Variants in PKNOX2 observed in about 807,000 individuals in gnomAD.
PKNOX2 encodes the protein PBX/knotted 1 homeobox 2.
Under a neutral mutation model 53.1 loss-of-function variants are expected in PKNOX2, and 14 were observed. That is an observed-to-expected ratio of 0.26 (90% CI 0.17 to 0.41). The LOEUF (loss-of-function observed/expected upper bound fraction) is 0.41. Ranked by LOEUF, PKNOX2 falls within the 10% of genes least tolerant of loss-of-function variation. The probability of loss-of-function intolerance (pLI) is 1.00; values close to 1 mark genes in which losing one functional copy is unlikely to be tolerated. For synonymous variants in PKNOX2, 257 were observed against 242.8 expected (o/e 1.06, Z -0.54); for missense variants, 496 against 602.8 (o/e 0.82, Z 1.85).
At chr11:125,395,171 AT>A (rs1160418934) in intron 6 of PKNOX2, among the ~76,000 whole-genome samples, 3 of 152,242 alleles carry the variant, frequency 2.0e-5, no homozygotes, top group Non-Finnish European at 4.4e-5. Context: ...ATCATATAGT[AT>A]ATAATCCTTT....
chr11:125,354,276 A>G (rs1162832657), intron 4 of PKNOX2, among the ~76,000 whole-genome samples: 1 of 152,170 alleles, frequency 6.6e-6, no homozygotes, highest in Non-Finnish European at 1.5e-5. Context: ...TGATGGGAAC[A>G]TGGGCCAGGC....
intron 5 of PKNOX2, among the ~76,000 whole-genome samples, chr11:125,377,601 G>A (rs1385774411): frequency 2.0e-5 from 3 of 152,154 alleles, no homozygotes; most frequent in Non-Finnish European, 2.9e-5. Context: ...ACCAGGGTCC[G>A]CCTGCCCTCT....
chr11:125,258,929 A>G, intron 2 of PKNOX2: 1 of 334,536 alleles, frequency 3.0e-6, no homozygotes, highest in Non-Finnish European at 6.1e-6. Flanking sequence ...CAGTGACAGA[A>G]GCCGTGAAAA....
At chr11:125,289,695 C>T (rs1299912581) in intron 2 of PKNOX2, among the ~76,000 whole-genome samples, 2 of 152,038 alleles carry the variant, frequency 1.3e-5, no homozygotes, top group African/African-American at 4.8e-5. Flanking sequence ...AAATGTTACC[C>T]GGGCCAGAGC....
At chr11:125,388,587 C>G (rs1288072589) in intron 6 of PKNOX2, among the ~76,000 whole-genome samples, 1 of 152,118 alleles carries the variant, frequency 6.6e-6, no homozygotes, top group East Asian at 1.9e-4. Context: ...AAGTTCCTCT[C>G]TCCCCCAGGG....
intron 7 of PKNOX2, among the ~76,000 whole-genome samples, chr11:125,405,503 C>A (rs1187250671): frequency 6.6e-6 from 1 of 152,158 alleles, no homozygotes; most frequent in Admixed American, 6.5e-5. Flanking sequence ...CCCTGCACCC[C>A]CCACTTCCAA....
chr11:125,344,810 G>A (rs907207483), intron 3 of PKNOX2, among the ~76,000 whole-genome samples: 4 of 152,166 alleles, frequency 2.6e-5, no homozygotes, highest in African/African-American at 9.7e-5. Flanking sequence ...TCTGTGCTGG[G>A]TGCGGTGTGC....
chr11:125,222,715 ATGTGTGTGTGTATG>A (rs1941317114), intron 1 of PKNOX2, among the ~76,000 whole-genome samples: 1 of 124,140 alleles, frequency 8.1e-6, no homozygotes, highest in Non-Finnish European at 1.7e-5. Flanking sequence ...TGTGCTGTGT[ATGTGTGTGTGTATG>A]TGTGTGTGTC....
intron 4 of PKNOX2, among the ~76,000 whole-genome samples, chr11:125,357,201 A>G (rs990588952): frequency 6.6e-6 from 1 of 152,062 alleles, no homozygotes; most frequent in Non-Finnish European, 1.5e-5. Context: ...CTCTTTGTGC[A>G]CAGTGACCTC....
At chr11:125,322,802 C>T (rs1392028661) in intron 2 of PKNOX2, among the ~76,000 whole-genome samples, 1 of 152,164 alleles carries the variant, frequency 6.6e-6, no homozygotes, top group Non-Finnish European at 1.5e-5. Flanking sequence ...ATTTTTGTGA[C>T]CTTAGCCGAG....
chr11:125,411,777 A>G lies in PKNOX2; in HGVS notation c.848A>G (p.Asn283Ser), dbSNP rs1341760710. Residue 283 changes from asparagine to serine, a missense_variant, in exon 10 of 13, where the codon AAT (asparagine) becomes AGT (serine). Around this residue, in one of 5 missense-constraint regions of PKNOX2, gnomAD observed 141 missense variants for 143.9 expected, o/e 0.98. Transcript: ENST00000298282. Reference protein sequence around the residue: ...VNLDLTSLLDNEDKKSKNKRG... With the variant: ...VNLDLTSLLDSEDKKSKNKRG... Reference sequence around the variant, plus strand: ...CTTGACCTCACCTCCCTCCTGGACAATGAGGATAAGAAGTCCAAGAACAAA... The same window carrying G: ...CTTGACCTCACCTCCCTCCTGGACAGTGAGGATAAGAAGTCCAAGAACAAA... 1.2e-6 allele frequency: 2 copies of G among 1,614,166 alleles called. No individual in the cohort carries two copies. The highest frequency in any genetic ancestry group is 8.5e-7 in the Non-Finnish European group (1 of 1,180,026).
intron 1 of PKNOX2, among the ~76,000 whole-genome samples, chr11:125,194,646 C>T (rs1292536577): frequency 1.3e-5 from 2 of 152,186 alleles, no homozygotes; most frequent in Non-Finnish European, 1.5e-5. Context: ...CCCACTCTTG[C>T]TTCAATGTCC....
intron 2 of PKNOX2, among the ~76,000 whole-genome samples, chr11:125,252,342 G>A (rs865910746): frequency 6.6e-6 from 1 of 152,198 alleles, no homozygotes; most frequent in Non-Finnish European, 1.5e-5. Context: ...GGACGTGGAA[G>A]AGTTTTAAGC....
intron 2 of PKNOX2, among the ~76,000 whole-genome samples, chr11:125,286,338 T>A (rs1946898017): frequency 6.6e-6 from 1 of 152,238 alleles, no homozygotes; most frequent in Non-Finnish European, 1.5e-5. Flanking sequence ...CTAAAGGTAT[T>A]AGGAAGTTCT....
At chr11:125,189,419 G>GTATATA (rs1277612431) in intron 1 of PKNOX2, among the ~76,000 whole-genome samples, 2,282 of 38,684 alleles carry the variant, frequency 0.059, 65 homozygotes, top group Non-Finnish European at 0.081. Flanking sequence ...ATATATGTGT[G>GTATATA]TGTGTGTGTG....
intron 1 of PKNOX2, among the ~76,000 whole-genome samples, chr11:125,228,643 G>A (rs1244222343): frequency 6.6e-6 from 1 of 152,178 alleles, no homozygotes; most frequent in Non-Finnish European, 1.5e-5. Context: ...AGCCGGAGTG[G>A]TATGTGGCCT....
chr11:125,384,377 T>C (rs1953472288), intron 5 of PKNOX2, among the ~76,000 whole-genome samples: 1 of 152,150 alleles, frequency 6.6e-6, no homozygotes, highest in South Asian at 2.1e-4. Flanking sequence ...CAAGAGTTGC[T>C]GATCTCCAAG....
chr11:125,431,454 G>C lies in PKNOX2; in HGVS notation c.*62G>C. 1.2e-6 allele frequency: 1 copy of C among 820,348 alleles called. No individual in the cohort carries two copies. Among genetic ancestry groups the C allele is most frequent in the Non-Finnish European group, 1.7e-6 (1 of 580,838 alleles). 50.8% of individuals were successfully genotyped at this position (820,348 alleles called of 1,614,324 possible). ...GAGGAGTGTCGCCGGGAGGCCTTCA[G>C]GGTGGGGGGGAAGGGGACATGGGCA... On this transcript the variant is annotated 3_prime_UTR_variant, in exon 13 of 13. Coordinates refer to ENST00000298282, the MANE Select transcript of PKNOX2 (RefSeq NM_001382323.2).
intron 2 of PKNOX2, among the ~76,000 whole-genome samples, chr11:125,320,785 G>A (rs753898079): frequency 3.3e-5 from 5 of 152,298 alleles, no homozygotes; most frequent in South Asian, 2.1e-4. Flanking sequence ...GCCCTTAAGC[G>A]TGCTGCCTCC....
Sources: allele counts gnomAD v4.1 joint callset (sites outside exome capture counted in the v4.1 genomes callset), GRCh38; gene constraint gnomAD v4.1.1; regional missense constraint gnomAD v4.1.1; transcripts MANE v1.5; gene names NCBI Gene and HGNC (gene_info 2026-07-23, HGNC 2026-07-21).